Variants in GLS observed in about 807,000 individuals in gnomAD.
GLS encodes the protein glutaminase, also known as glutaminase kidney isoform, mitochondrial.
In GLS, 36 loss-of-function variants were observed where a neutral mutation model predicts 86.7. The ratio of observed to expected loss-of-function variants is 0.42; its 90% CI spans 0.32 to 0.55. The LOEUF is 0.55. GLS is among the 20% of genes least tolerant of loss of function. GLS has a pLI of 0.17. For synonymous variants in GLS, 317 were observed against 305.9 expected (o/e 1.04, Z -0.38); for missense variants, 528 against 833.4 (o/e 0.63, Z 4.51).
intron 14 of GLS, chr2:190,933,304 C>A: frequency 1.1e-6 from 1 of 917,536 alleles, no homozygotes; most frequent in Non-Finnish European, 1.3e-6. Context: ...GAAGGTACTT[C>A]TATGCTAAAT....
intron 6 of GLS, among the ~76,000 whole-genome samples, chr2:190,907,784 C>A (rs543653136): frequency 6.6e-5 from 10 of 152,134 alleles, no homozygotes; most frequent in Non-Finnish European, 1.3e-4. Flanking sequence ...GGTACATGGG[C>A]CTTGCTTCTT....
Position 190,956,524 on chromosome 2 carries a change from G to A in GLS, c.1853+1706G>A, listed in dbSNP as rs755679721. Among the ~76,000 whole-genome samples, 2 of 152,160 alleles carry A rather than the reference G, an allele frequency of 1.3e-5. No homozygotes were observed. Among genetic ancestry groups the A allele is most frequent in the Non-Finnish European group, 2.9e-5 (2 of 68,034 alleles). On this transcript the variant is annotated intron_variant, in intron 17 of 17. Transcript: ENST00000320717. This position sits in a 1 kb window ranked among gnomAD's most constrained non-coding sequence, Gnocchi z 4.2. ...CTGTAGCCTTGTAGTATAGTTTGAA[G>A]TCAGGTAGCGTGATGCCTCCAGCTT... is the stretch of plus-strand genomic sequence containing the variant.
intron 5 of GLS, among the ~76,000 whole-genome samples, chr2:190,903,211 A>T (rs1397732001): frequency 6.6e-6 from 1 of 151,696 alleles, no homozygotes; most frequent in Non-Finnish European, 1.5e-5. Context: ...GGTGATTTTA[A>T]TTTTTTTTTA....
chr2:190,894,015 A>G (rs1423080661), intron 1 of GLS, among the ~76,000 whole-genome samples: 1 of 152,236 alleles, frequency 6.6e-6, no homozygotes, highest in Non-Finnish European at 1.5e-5. Flanking sequence ...GACATTCAGT[A>G]TTTAAAAGTT....
At chr2:190,891,366 T>C (rs1192379572) in intron 1 of GLS, among the ~76,000 whole-genome samples, 1 of 151,942 alleles carries the variant, frequency 6.6e-6, no homozygotes, top group Non-Finnish European at 1.5e-5. Flanking sequence ...CTAAAGAGTA[T>C]AGAGAATCTG....
Position 190,880,991 on chromosome 2 carries a change from A to T in GLS, c.-94A>T. The T allele has an allele frequency of 1.5e-6, 2 of 1,371,596 alleles. No homozygotes were observed. Among genetic ancestry groups the T allele is most frequent in the Non-Finnish European group, 2.0e-6 (2 of 1,008,944 alleles). The allele number at this position is 1,371,596 out of a possible 1,614,324, so 85.0% of individuals were successfully genotyped here. A position where few individuals can be genotyped will look rare whatever the true frequency, so the allele number is the denominator to read the frequency against. Reference sequence around the variant, plus strand: ...CTGCCCTTTCCTCTTCTGTCATCTCACCGCCCCACCACAGACCGCGTTCCC... The same window carrying T: ...CTGCCCTTTCCTCTTCTGTCATCTCTCCGCCCCACCACAGACCGCGTTCCC... On this transcript the variant is annotated 5_prime_UTR_variant, in exon 1 of 18. Transcript: ENST00000320717.
intron 7 of GLS, among the ~76,000 whole-genome samples, chr2:190,917,249 A>G (rs1047765543): frequency 1.3e-5 from 2 of 152,194 alleles, no homozygotes; most frequent in African/African-American, 2.4e-5. Flanking sequence ...GAGCATCTTT[A>G]CCAGAAGTAG....
intron 5 of GLS, among the ~76,000 whole-genome samples, chr2:190,902,885 C>G (rs1040356747): frequency 6.6e-6 from 1 of 152,030 alleles, no homozygotes; most frequent in Non-Finnish European, 1.5e-5. Flanking sequence ...CAAAATAGAA[C>G]TTACATAAGA....
At position 190,897,783 on chromosome 2, in the gene GLS, G is replaced by C. The variant is rs116756883; in HGVS notation, c.605+2058G>C. ...AACATGGGATTCATTTTTCCCCAGA[G>C]AAATAATTTATAAAGGTGGGTAGGT... On this transcript the variant is annotated intron_variant, in intron 3 of 17. Transcript: ENST00000320717. This position sits in a 1 kb window ranked among gnomAD's most constrained non-coding sequence, Gnocchi z 4.3. Among the ~76,000 whole-genome samples the C allele has an allele frequency of 4.4e-3, 663 of 152,276 alleles. 4 individuals are homozygous for C. The highest frequency in any genetic ancestry group is 0.015 in the African/African-American group (626 of 41,546).
intron 3 of GLS, chr2:190,896,535 A>G (rs1688747543): frequency 6.6e-6 from 1 of 152,162 alleles, no homozygotes; most frequent in Admixed American, 6.5e-5. Context: ...AAAGTTTGTT[A>G]TGTATGGTTG....
Position 190,927,292 on chromosome 2 carries a change from T to C in GLS, c.1249-14T>C. On this transcript the variant is annotated splice_polypyrimidine_tract_variant and intron_variant, in intron 11 of 17. Coordinates refer to ENST00000320717, the MANE Select transcript of GLS (RefSeq NM_014905.5). ...TAAAAGTAGTATGAGAATTCTGCTT[T>C]TTCTTTGTGTTAGCTGTGCTCCATT... The C allele has an allele frequency of 6.3e-7, 1 of 1,582,182 alleles. No individual in the cohort carries two copies. Among genetic ancestry groups the C allele is most frequent in the Non-Finnish European group, 8.6e-7 (1 of 1,167,778 alleles).
chr2:190,932,482 A>G (rs534382779), intron 14 of GLS, among the ~76,000 whole-genome samples: 1 of 152,060 alleles, frequency 6.6e-6, no homozygotes, highest in East Asian at 1.9e-4. Context: ...TGCTAAACTA[A>G]ATTTTTGTTA....
At position 190,921,249 on chromosome 2, in the gene GLS, T is replaced by A. The variant is rs1350670462; in HGVS notation, c.1130+46T>A. ...TTTGTTACGTAAAAACACACAACTG[T>A]ATTTAGAATTGATCCACTCTCTTTT... On this transcript the variant is annotated intron_variant, in intron 9 of 17. Transcript: ENST00000320717. This position sits in a 1 kb window ranked among gnomAD's most constrained non-coding sequence, Gnocchi z 4.2. 1.7e-6 allele frequency: 2 copies of A among 1,182,002 alleles called. No individual in the cohort carries two copies. The highest frequency in any genetic ancestry group is 3.4e-5 in the Admixed American group (2 of 59,246). 73.2% of individuals were successfully genotyped at this position (1,182,002 alleles called of 1,614,324 possible). A position where few individuals can be genotyped will look rare whatever the true frequency, so the allele number is the denominator to read the frequency against.
chr2:190,950,725 T>C (rs1200265561), intron 14 of GLS, among the ~76,000 whole-genome samples: 2 of 152,098 alleles, frequency 1.3e-5, no homozygotes, highest in African/African-American at 4.8e-5. Context: ...TGTGAAGGAC[T>C]CAACCTGCAT....
intron 3 of GLS, among the ~76,000 whole-genome samples, chr2:190,900,009 G>T (rs929175200): frequency 2.1e-5 from 3 of 139,580 alleles, no homozygotes; most frequent in Non-Finnish European, 3.3e-5. Flanking sequence ...TCAAATTAGA[G>T]ATTATTTTTA....
At position 190,954,729 on chromosome 2, in the gene GLS, CT is replaced by C. The variant is rs577810556; in HGVS notation, c.1790-19del. 3,066 of 1,613,494 alleles carry C rather than the reference CT, an allele frequency of 1.9e-3. 27 individuals carry two copies. Among genetic ancestry groups the C allele is most frequent in the Non-Finnish European group, 1.3e-3 (1,521 of 1,179,588 alleles). ...TTTCTACTTAGTACTAAAATCTGCT[CT>C]TTTTTTGGGGGTGGGACGGTATAGG... On this transcript the variant is annotated intron_variant, in intron 16 of 17. Coordinates refer to ENST00000320717, the MANE Select transcript of GLS (RefSeq NM_014905.5). This position sits in a 1 kb window ranked among gnomAD's most constrained non-coding sequence, Gnocchi z 4.0.
chr2:190,939,306 C>G (rs2883582), intron 14 of GLS, among the ~76,000 whole-genome samples: 34,623 of 151,390 alleles, frequency 0.23, 4,193 homozygotes, highest in East Asian at 0.46. Flanking sequence ...AATATGTTAA[C>G]TTTTGAAAGG....
intron 14 of GLS, among the ~76,000 whole-genome samples, chr2:190,952,726 G>C (rs1025592658): frequency 6.6e-6 from 1 of 152,140 alleles, no homozygotes; most frequent in Admixed American, 6.6e-5. Flanking sequence ...TGTTGAAGTT[G>C]CAAAGTGTAA....
chr2:190,924,760 C>T lies in GLS; in HGVS notation c.1248+167C>T. 1.9e-6 allele frequency: 1 copy of T among 528,692 alleles called. No homozygotes were observed. The highest frequency in any genetic ancestry group is 2.0e-5 in the South Asian group (1 of 49,588). The allele number at this position is 528,692 out of a possible 1,614,324, so 32.8% of individuals were successfully genotyped here. ...TGAAACCCCATCTCTACTAAAAATA[C>T]AAAAATTATTCGGGTGTGGTAGTGT... On this transcript the variant is annotated intron_variant, in intron 11 of 17. Transcript: ENST00000320717. This position sits in a 1 kb window ranked among gnomAD's most constrained non-coding sequence, Gnocchi z 5.2.
Sources: allele counts gnomAD v4.1 joint callset (sites outside exome capture counted in the v4.1 genomes callset), GRCh38; gene constraint gnomAD v4.1.1; non-coding constraint Gnocchi (gnomAD v3.1); transcripts MANE v1.5; gene names NCBI Gene and HGNC (gene_info 2026-07-23, HGNC 2026-07-21).